Variants in TANC2 observed in about 807,000 individuals in gnomAD.
The protein encoded by TANC2 is protein TANC2.
TANC2 carries 26 observed loss-of-function variants against 210.5 expected under a neutral mutation model. The observed-to-expected ratio is 0.12, with a 90% CI of 0.09 to 0.17. TANC2 has a LOEUF of 0.17. Among genes scored for constraint, TANC2 ranks in the 10% least tolerant of loss-of-function variants. TANC2 has a pLI of 1.00. For synonymous variants in TANC2, 931 were observed against 967.1 expected (o/e 0.96, Z 0.69); for missense variants, 2,129 against 2,608.9 (o/e 0.82, Z 4.01).
chr17:63,355,706 T>G (rs1391629340), intron 14 of TANC2, among the ~76,000 whole-genome samples: 1 of 152,200 alleles, frequency 6.6e-6, no homozygotes, highest in Non-Finnish European at 1.5e-5. Context: ...TTCCTCAGTA[T>G]TATTATTCTG....
At chr17:63,098,991 G>A (rs1408642231) in intron 3 of TANC2, among the ~76,000 whole-genome samples, 184 bp from the exon 4 acceptor site, 2 of 152,164 alleles carry the variant, frequency 1.3e-5, no homozygotes, top group Non-Finnish European at 2.9e-5. Context: ...CTCATCTTCA[G>A]TTTCGTAGTG....
intron 4 of TANC2, among the ~76,000 whole-genome samples, chr17:63,142,748 T>G (rs2039331164): frequency 6.6e-6 from 1 of 152,176 alleles, no homozygotes. Flanking sequence ...TTCATGAAAC[T>G]TTAAAAAAAG....
At chr17:63,111,396 A>G (rs1447967741) in intron 4 of TANC2, among the ~76,000 whole-genome samples, 5 of 152,228 alleles carry the variant, frequency 3.3e-5, no homozygotes, top group Admixed American at 6.5e-5. Flanking sequence ...GCTTATAATA[A>G]AATCACTACA....
At position 63,013,696 on chromosome 17, in the gene TANC2, A is replaced by G. The variant is rs539217878; in HGVS notation, c.67+4070A>G. ...AGAATCGCTTGAGCCTGGGAGGCGG[A>G]GGTTGCAATAAGCCAAGATTACACC... On this transcript the variant is annotated intron_variant, in intron 2 of 27. Coordinates refer to ENST00000689528, the Ensembl canonical transcript of TANC2. Among the ~76,000 whole-genome samples, 18 of 139,218 alleles carry G rather than the reference A, an allele frequency of 1.3e-4. 1 individual carries two copies. In the South Asian group the frequency reaches 3.7e-3, roughly 28 times the overall value. The allele number at this position is 139,218 out of a possible 152,430, so 91.3% of individuals were successfully genotyped here. A position where few individuals can be genotyped will look rare whatever the true frequency, so the allele number is the denominator to read the frequency against.
intron 5 of TANC2, among the ~76,000 whole-genome samples, chr17:63,189,152 A>G (rs2145717752): frequency 1.3e-5 from 2 of 152,172 alleles, no homozygotes; most frequent in South Asian, 4.1e-4. Flanking sequence ...ATGGGAATAT[A>G]TGACATTTTA....
chr17:63,288,737 TA>T (rs1010950290), intron 9 of TANC2, among the ~76,000 whole-genome samples: 27 of 149,804 alleles, frequency 1.8e-4, no homozygotes, highest in African/African-American at 2.4e-4. Flanking sequence ...CAATTCAGAA[TA>T]AAAAAAAAAT....
At chr17:63,397,732 A>G (rs2048214510) in intron 18 of TANC2, among the ~76,000 whole-genome samples, 1 of 152,246 alleles carries the variant, frequency 6.6e-6, no homozygotes, top group Admixed American at 6.5e-5. Flanking sequence ...CACAATCAAT[A>G]TAAATAACCT....
intron 5 of TANC2, among the ~76,000 whole-genome samples, chr17:63,180,482 G>A (rs2040742830): frequency 6.6e-6 from 1 of 152,182 alleles, no homozygotes; most frequent in Admixed American, 6.5e-5. Flanking sequence ...TATTTAAACA[G>A]TATCACTATT....
At chr17:63,250,195 GA>G (rs1472755446) in intron 8 of TANC2, among the ~76,000 whole-genome samples, 1 of 151,882 alleles carries the variant, frequency 6.6e-6, no homozygotes, top group East Asian at 1.9e-4. Context: ...TTTTGTTATA[GA>G]TTTGTTTTTC....
At chr17:63,171,506 TTGC>T (rs1328981415) in intron 5 of TANC2, among the ~76,000 whole-genome samples, 1 of 152,292 alleles carries the variant, frequency 6.6e-6, no homozygotes, top group East Asian at 1.9e-4. Flanking sequence ...GATGTTTATA[TTGC>T]TGCCAGAAAA....
At chr17:63,198,822 T>C (rs1488008115) in intron 6 of TANC2, among the ~76,000 whole-genome samples, 1 of 152,156 alleles carries the variant, frequency 6.6e-6, no homozygotes, top group African/African-American at 2.4e-5. Context: ...ACCAGCATCA[T>C]ATTATAAAAA....
chr17:62,985,133 T>C (rs1266550278), intron 1 of TANC2, among the ~76,000 whole-genome samples: 2 of 152,230 alleles, frequency 1.3e-5, no homozygotes, highest in Non-Finnish European at 2.9e-5. Context: ...TCTCTAAGGA[T>C]AGCTTTGTTG....
exon 28 of TANC2, chr17:63,423,356 G>A (rs2049070653): frequency 6.6e-6 from 1 of 152,172 alleles, no homozygotes; most frequent in Non-Finnish European, 1.5e-5. Context: ...GTGGTCATTT[G>A]GTAGGCTGAC....
At position 63,245,505 on chromosome 17, in the gene TANC2, C is replaced by T. The variant is rs150590892; in HGVS notation, c.1033+7428C>T. ...GGTGGATCACTTGAGGTCAGGAGTT[C>T]GAGACCAGCCTGAACAACATGGTGA... On this transcript the variant is annotated intron_variant, in intron 8 of 27. Transcript: ENST00000689528. 1.0e-3 allele frequency among the ~76,000 whole-genome samples: 159 copies of T among 151,998 alleles called. 1 individual carries two copies. Among genetic ancestry groups the T allele is most frequent in the African/African-American group, 3.6e-3 (151 of 41,474 alleles).
rs572982825 is a variant in TANC2 at position 62,980,073 on chromosome 17, C to A, written c.-24+13324C>A. On this transcript the variant is annotated intron_variant, in intron 1 of 27. Transcript: ENST00000689528. Reference sequence around the variant, plus strand: ...TGACTCTGAAACCTTTCCTCTGTGCCTTTTAGAGTTTATTGTCAGTCACCT... The same window carrying A: ...TGACTCTGAAACCTTTCCTCTGTGCATTTTAGAGTTTATTGTCAGTCACCT... 2.6e-5 allele frequency among the ~76,000 whole-genome samples: 4 copies of A among 152,280 alleles called. No homozygotes were observed. The South Asian group carries it at 8.3e-4, about 32-fold the overall frequency.
chr17:63,226,825 T>C (rs2042340429), intron 7 of TANC2, among the ~76,000 whole-genome samples: 1 of 152,176 alleles, frequency 6.6e-6, no homozygotes, highest in African/African-American at 2.4e-5. Context: ...ATTGTTCCAC[T>C]CCCACTTATA....
At chr17:63,423,220 C>T (rs1400750422) in exon 28 of TANC2, 4 of 152,134 alleles carry the variant, frequency 2.6e-5, no homozygotes, top group Non-Finnish European at 5.9e-5. Context: ...TCAGACGCAG[C>T]AAAAACTGTT....
chr17:63,099,121 A>G, intron 3 of TANC2, 54 bp from the exon 4 acceptor site: 7 of 1,527,016 alleles, frequency 4.6e-6, no homozygotes, highest in Non-Finnish European at 6.3e-6. Flanking sequence ...GTATTTTAAT[A>G]GGGAAGGCAG....
chr17:63,231,473 G>A (rs565374449), intron 7 of TANC2, among the ~76,000 whole-genome samples: 2 of 152,136 alleles, frequency 1.3e-5, no homozygotes. Context: ...AATTCCTGCA[G>A]CATTTGCTTG....
Sources: allele counts gnomAD v4.1 joint callset (sites outside exome capture counted in the v4.1 genomes callset), GRCh38; gene constraint gnomAD v4.1.1; transcripts MANE v1.5; gene names NCBI Gene and HGNC (gene_info 2026-07-23, HGNC 2026-07-21).